The following SLC6A6 variants were observed in gnomAD, a reference collection of about 807,000 sequenced individuals.
The protein encoded by SLC6A6 is solute carrier family 6 member 6, also known as sodium- and chloride-dependent taurine transporter.
In SLC6A6, 16 loss-of-function variants were observed where a neutral mutation model predicts 68.8. The observed-to-expected ratio is 0.23, with a 90% confidence interval of 0.16 to 0.35. The LOEUF (loss-of-function observed/expected upper bound fraction) is 0.35, where lower values mean the gene tolerates loss of function less well. SLC6A6 is among the 10% of genes least tolerant of loss of function. SLC6A6 has a pLI of 1.00. For synonymous variants in SLC6A6, 312 were observed against 315.4 expected, an observed-to-expected ratio of 0.99 and a Z score of 0.12; for missense variants, 474 against 802.8, an observed-to-expected ratio of 0.59 and a Z score of 4.95.
intron 1 of SLC6A6, among the ~76,000 whole-genome samples, chr3:14,413,170 G>A (rs1049091387): frequency 3.3e-5 from 5 of 152,214 alleles, no homozygotes; most frequent in Admixed American, 3.3e-4. Flanking sequence ...AGCCACTGGG[G>A]ATGCTCTGGG....
intron 2 of SLC6A6, among the ~76,000 whole-genome samples, chr3:14,418,023 A>G (rs1481329253): frequency 6.6e-6 from 1 of 152,192 alleles, no homozygotes; most frequent in Non-Finnish European, 1.5e-5. Context: ...ACATTTTACA[A>G]TGGGATGTGG....
intron 10 of SLC6A6, among the ~76,000 whole-genome samples, chr3:14,473,167 A>C (rs1700792877): frequency 6.6e-6 from 1 of 152,146 alleles, no homozygotes; most frequent in Admixed American, 6.5e-5. Flanking sequence ...AATTCACTTG[A>C]GCTCCTGGGC....
intron 3 of SLC6A6, among the ~76,000 whole-genome samples, chr3:14,445,395 T>G (rs528291492): frequency 5.9e-4 from 87 of 147,056 alleles, no homozygotes; most frequent in Admixed American, 2.3e-3. Flanking sequence ...CATTTCAGCC[T>G]GGGTGACAGA....
Position 14,484,833 on chromosome 3 carries a change from C to A in SLC6A6, c.1723-34C>A, listed in dbSNP as rs369975575. The A allele has an allele frequency of 2.5e-6, 4 of 1,604,540 alleles. No individual in the cohort carries two copies. In the Admixed American group the frequency reaches 6.7e-5, roughly 27 times the overall value. On this transcript the variant is annotated intron_variant, in intron 14 of 14. Coordinates refer to ENST00000622186, the MANE Select transcript of SLC6A6 (RefSeq NM_003043.6). ...GCGAAGGGGAGACCAGGCCGCCTGA[C>A]GTTTCCCCCCTCACTCCTGTCATCC...
intron 2 of SLC6A6, among the ~76,000 whole-genome samples, chr3:14,440,399 G>A (rs1211415604): frequency 6.6e-6 from 1 of 152,102 alleles, no homozygotes; most frequent in African/African-American, 2.4e-5. Flanking sequence ...AGCCTGAGCA[G>A]TAGGAGGGAC....
chr3:14,484,716 A>C, intron 14 of SLC6A6, 151 bp from the exon 15 acceptor site: 1 of 742,560 alleles, frequency 1.3e-6, no homozygotes, highest in Non-Finnish European at 2.1e-6. Context: ...CATTATTTCC[A>C]AAAAGGACAA....
Position 14,408,476 on chromosome 3 carries a change from C to T in SLC6A6, c.-54+5629C>T, listed in dbSNP as rs966103031. Among the ~76,000 whole-genome samples the T allele has an allele frequency of 4.0e-5, 6 of 151,556 alleles. No individual in the cohort carries two copies. The South Asian group carries it at 6.3e-4, about 16-fold the overall frequency. On this transcript the variant is annotated intron_variant, in intron 1 of 14. Coordinates refer to ENST00000622186, the MANE Select transcript of SLC6A6 (RefSeq NM_003043.6). ...CAGCCTTCTGAGTAGCTGGGACTAC[C>T]GGCACGTGCCATTATGCCTGGCTAA...
chr3:14,462,400 A>C (rs1440028188), intron 6 of SLC6A6, among the ~76,000 whole-genome samples: 2 of 152,210 alleles, frequency 1.3e-5, no homozygotes, highest in Non-Finnish European at 2.9e-5. Flanking sequence ...TGAGAACCTC[A>C]GTACACTAAA....
At chr3:14,466,495 G>A in intron 6 of SLC6A6, 21 bp from the exon 7 acceptor site, 3 of 1,600,406 alleles carry the variant, frequency 1.9e-6, no homozygotes, top group Non-Finnish European at 1.7e-6. Flanking sequence ...ATGGCCTCCT[G>A]AATCCCTCTC....
chr3:14,481,606 TCCCAGAAGCCCCCCACCCCCCGATG>T lies in SLC6A6; in HGVS notation c.1552-59_1552-35del. On this transcript the variant is annotated intron_variant, in intron 13 of 14. Transcript: ENST00000622186. The surrounding 1 kb of genome is among the most constrained non-coding windows in gnomAD (Gnocchi z 4.7). ...TCCCTCAGGTTGAGGCCAGTCCTAG[TCCCAGAAGCCCCCCACCCCCCGATG>T]CCCAGGACCCCTCTCCTGACTGCCC... The T allele has an allele frequency of 8.7e-7, 1 of 1,148,702 alleles. No homozygotes were observed. Among genetic ancestry groups the T allele is most frequent in the Non-Finnish European group, 1.3e-6 (1 of 777,268 alleles). 71.2% of individuals were successfully genotyped at this position (1,148,702 alleles called of 1,614,324 possible).
rs1435458675 is a variant in SLC6A6 at position 14,441,323 on chromosome 3, C to T, written c.-11-2301C>T. Among the ~76,000 whole-genome samples the T allele has an allele frequency of 4.6e-5, 7 of 152,108 alleles. No homozygotes were observed. In the East Asian group the frequency reaches 1.4e-3, roughly 29 times the overall value. On this transcript the variant is annotated intron_variant, in intron 2 of 14. Coordinates refer to ENST00000622186, the MANE Select transcript of SLC6A6 (RefSeq NM_003043.6). Reference sequence around the variant, plus strand: ...ATTATGCGCCCACCGAGCCAGCCCACAATGGGCTGCCCTGATAACCATCGG... The same window carrying T: ...ATTATGCGCCCACCGAGCCAGCCCATAATGGGCTGCCCTGATAACCATCGG...
intron 9 of SLC6A6, among the ~76,000 whole-genome samples, chr3:14,469,370 G>A (rs1263846245): frequency 5.9e-5 from 9 of 152,054 alleles, no homozygotes; most frequent in East Asian, 1.9e-4. Flanking sequence ...AGACACAGCC[G>A]GAGGCCCTGC....
intron 2 of SLC6A6, among the ~76,000 whole-genome samples, chr3:14,427,469 G>A (rs530376501): frequency 1.3e-5 from 2 of 152,268 alleles, no homozygotes; most frequent in South Asian, 2.1e-4. Flanking sequence ...GGCTAGCCCC[G>A]CCTTCCTTCC....
At chr3:14,478,922 TA>T in intron 12 of SLC6A6, 162 bp from the exon 13 acceptor site, 1 of 612,634 alleles carries the variant, frequency 1.6e-6, no homozygotes. Flanking sequence ...GATGCAGAGT[TA>T]TATTTGAATT....
rs577001585 is a variant in SLC6A6 at position 14,454,734 on chromosome 3, T to G, written c.600-3216T>G. 1.3e-3 allele frequency among the ~76,000 whole-genome samples: 200 copies of G among 152,330 alleles called. 2 individuals carry two copies. The highest frequency in any genetic ancestry group is 1.2e-3 in the Non-Finnish European group (81 of 68,034). ...GTGCACATTAAAAACATTGAAATAG[T>G]GCAAAAATACTTTGCAAAGTGCATC... is the stretch of plus-strand genomic sequence containing the variant. On this transcript the variant is annotated intron_variant, in intron 5 of 14. Transcript: ENST00000622186.
Position 14,416,895 on chromosome 3 carries a change from G to A in SLC6A6, c.-12+442G>A, listed in dbSNP as rs533969805. 7.3e-4 allele frequency among the ~76,000 whole-genome samples: 111 copies of A among 152,340 alleles called. 1 individual carries two copies. Among genetic ancestry groups the A allele is most frequent in the South Asian group, 6.4e-3 (31 of 4,828 alleles). On this transcript the variant is annotated intron_variant, in intron 2 of 14. Coordinates refer to ENST00000622186, the MANE Select transcript of SLC6A6 (RefSeq NM_003043.6). ...GTCACACTCTGTCGCCTACGCTGGG[G>A]TGCAGTGGTGTCATCAGGGCTCACT...
intron 11 of SLC6A6, among the ~76,000 whole-genome samples, chr3:14,478,060 ATTCAGGGC>A (rs1367517294): frequency 6.6e-6 from 1 of 151,848 alleles, no homozygotes; most frequent in Non-Finnish European, 1.5e-5. Context: ...CGAAAACCCA[ATTCAGGGC>A]TTCACTTCAC....
intron 7 of SLC6A6, among the ~76,000 whole-genome samples, chr3:14,466,858 G>T (rs1206557895): frequency 1.3e-5 from 2 of 152,224 alleles, no homozygotes; most frequent in Non-Finnish European, 2.9e-5. Flanking sequence ...CTAGCTGTGT[G>T]CATCTCTTTT....
At chr3:14,480,567 A>G (rs1272474056) in intron 13 of SLC6A6, among the ~76,000 whole-genome samples, 2 of 152,232 alleles carry the variant, frequency 1.3e-5, no homozygotes, top group Non-Finnish European at 2.9e-5. Context: ...GACGGGAACA[A>G]CAGCAGGGCC....
Sources: allele counts gnomAD v4.1 joint callset (sites outside exome capture counted in the v4.1 genomes callset), GRCh38; gene constraint gnomAD v4.1.1; non-coding constraint Gnocchi (gnomAD v3.1); transcripts MANE v1.5; gene names NCBI Gene and HGNC (gene_info 2026-07-23, HGNC 2026-07-21).